Variants in RARB observed in about 807,000 individuals in gnomAD.
RARB encodes the protein HBV-activated protein.
A neutral mutation model predicts 51.9 loss-of-function variants in RARB; 17 were observed. The observed-to-expected ratio is 0.33, with a 90% CI of 0.22 to 0.49. RARB has a LOEUF of 0.49. RARB is among the 20% of genes least tolerant of loss of function. The pLI is 0.99. For synonymous variants in RARB, 215 were observed against 195.4 expected (o/e 1.10, Z -0.84); for missense variants, 369 against 550.8 (o/e 0.67, Z 3.30).
rs546511834 is a variant in RARB, at chr3:25,085,634, G to A, written c.-328+25458G>A. 1.0e-3 allele frequency among the ~76,000 whole-genome samples: 153 copies of A among 151,914 alleles called. 1 individual carries two copies. The highest frequency in any genetic ancestry group is 1.7e-3 in the Non-Finnish European group (114 of 67,994). On this transcript the variant is annotated intron_variant, in intron 3 of 11. Transcript: ENST00000383772. ...GAACACAAAACTGAAGACAAATATT[G>A]CAATATTTATAAATCAGATTTTTTA...
rs188091203 is a variant in RARB, at chr3:24,846,156, T to A, written c.-458-12518T>A. On this transcript the variant is annotated intron_variant, in intron 1 of 11. Coordinates refer to the RARB transcript ENST00000383772. ...CAAAATTGGTGGTTTAACATCTTTTTCATTAATGTGCTGGCTCTGCAATCT... is the reference window on the plus strand; with the variant it reads ...CAAAATTGGTGGTTTAACATCTTTTACATTAATGTGCTGGCTCTGCAATCT... Among the ~76,000 whole-genome samples the A allele has an allele frequency of 2.6e-5, 4 of 152,344 alleles. No homozygotes were observed. The East Asian group carries it at 7.7e-4, about 29-fold the overall frequency.
At chr3:25,447,650 T>C (rs1363988657) in intron 1 of RARB, among the ~76,000 whole-genome samples, 2 of 151,862 alleles carry the variant, frequency 1.3e-5, no homozygotes, top group Non-Finnish European at 2.9e-5. Flanking sequence ...TAAAGAGGGG[T>C]TTAAAGAAGC....
intron 2 of RARB, among the ~76,000 whole-genome samples, chr3:24,953,317 AGAAAT>A (rs1433457612): frequency 6.6e-6 from 1 of 152,216 alleles, no homozygotes; most frequent in Non-Finnish European, 1.5e-5. Context: ...CAGAAAAAAA[AGAAAT>A]GAAAATTAGG....
intron 5 of RARB, among the ~76,000 whole-genome samples, chr3:25,184,162 A>G (rs2125359231): frequency 6.6e-6 from 1 of 152,178 alleles, no homozygotes; most frequent in African/African-American, 2.4e-5. Flanking sequence ...TATTGCCCAA[A>G]TCTGAAAAAA....
intron 4 of RARB, among the ~76,000 whole-genome samples, chr3:25,578,288 T>G (rs1423264944): frequency 6.6e-6 from 1 of 152,236 alleles, no homozygotes; most frequent in Admixed American, 6.5e-5. Context: ...TTATTTTGTG[T>G]TTTATTAACT....
chr3:25,446,660 G>T (rs910846294), intron 1 of RARB, among the ~76,000 whole-genome samples: 18 of 151,836 alleles, frequency 1.2e-4, no homozygotes, highest in East Asian at 3.9e-4. Context: ...AAAATTAGCC[G>T]GGCGTGGTGG....
At chr3:24,843,509 G>A (rs1702444765) in intron 1 of RARB, among the ~76,000 whole-genome samples, 1 of 152,064 alleles carries the variant, frequency 6.6e-6, no homozygotes, top group Admixed American at 6.6e-5. Context: ...GGCACATTCT[G>A]GGTCCATTTT....
intron 2 of RARB, among the ~76,000 whole-genome samples, chr3:24,918,202 C>A (rs9881002): frequency 0.49 from 74,258 of 152,034 alleles, 18,685 homozygotes; most frequent in East Asian, 0.7. Context: ...CGTACAATGG[C>A]ATATTATTCA....
chr3:24,917,781 C>A (rs60998309), intron 2 of RARB, among the ~76,000 whole-genome samples: 17,355 of 152,240 alleles, frequency 0.11, 1,472 homozygotes, highest in East Asian at 0.29. Flanking sequence ...CCTCCTTCGG[C>A]GTCCTAAAGT....
intron 5 of RARB, among the ~76,000 whole-genome samples, chr3:25,256,982 C>T (rs1196489061): frequency 1.3e-5 from 2 of 151,952 alleles, no homozygotes; most frequent in Non-Finnish European, 2.9e-5. Flanking sequence ...AAATATCATA[C>T]GATAAGGACT....
intron 2 of RARB, among the ~76,000 whole-genome samples, chr3:25,499,766 T>C (rs1410688022): frequency 6.6e-6 from 1 of 151,986 alleles, no homozygotes; most frequent in East Asian, 1.9e-4. Flanking sequence ...TTCAGGTAGA[T>C]AGAAAACGAG....
At chr3:25,004,180 CATCACTGATAGCCAT>C (rs1190178925) in intron 2 of RARB, among the ~76,000 whole-genome samples, 3 of 152,208 alleles carry the variant, frequency 2.0e-5, no homozygotes, top group Admixed American at 6.5e-5. Context: ...GTGATGACCA[CATCACTGATAGCCAT>C]ATGTTATTGT....
chr3:25,496,977 C>T (rs191795806), intron 2 of RARB, among the ~76,000 whole-genome samples: 11 of 152,280 alleles, frequency 7.2e-5, no homozygotes, highest in East Asian at 3.9e-4. Context: ...CTCTGCCTCC[C>T]GGGTTCAAGC....
intron 3 of RARB, among the ~76,000 whole-genome samples, chr3:25,123,007 G>A (rs1400099355): frequency 6.6e-6 from 1 of 151,948 alleles, no homozygotes; most frequent in Non-Finnish European, 1.5e-5. Context: ...ACTCAGGAAT[G>A]GTATAACTTC....
rs989017422 is a variant in RARB at position 24,958,272 on chromosome 3, T to G, written c.-380+99520T>G. On this transcript the variant is annotated intron_variant, in intron 2 of 11. Coordinates refer to the RARB transcript ENST00000383772. ...CTGCTCAGGTTTTTTTTTTTTTTTT[T>G]TTTTTTTTTTTTTTTTTAGCTGTCA... 7.6e-3 allele frequency among the ~76,000 whole-genome samples: 1,069 copies of G among 140,366 alleles called. 20 individuals carry two copies. Among genetic ancestry groups the G allele is most frequent in the African/African-American group, 0.025 (958 of 38,564 alleles). 92.1% of individuals were successfully genotyped at this position (140,366 alleles called of 152,430 possible). A position where few individuals can be genotyped will look rare whatever the true frequency, so the allele number is the denominator to read the frequency against.
intron 3 of RARB, among the ~76,000 whole-genome samples, chr3:25,071,205 A>G (rs1161041673): frequency 6.6e-6 from 1 of 152,240 alleles, no homozygotes; most frequent in Non-Finnish European, 1.5e-5. Flanking sequence ...TAGGTGCTCA[A>G]TAAATATTTA....
intron 3 of RARB, among the ~76,000 whole-genome samples, chr3:25,532,932 C>T (rs140658391): frequency 1.0e-3 from 157 of 152,292 alleles, no homozygotes; most frequent in African/African-American, 3.5e-3. Context: ...AACTTGAGTC[C>T]TATGCTTGCA....
intron 5 of RARB, chr3:25,324,038 G>A (rs1704642633): frequency 6.7e-6 from 1 of 148,580 alleles, no homozygotes; most frequent in African/African-American, 2.6e-5. Context: ...GGAAGTGGAA[G>A]AAAATCAAGA....
rs149931534 is a variant in RARB at position 25,031,207 on chromosome 3, C to T, written c.-379-28918C>T. ...GTGCCCATATATTTTAGCAATGTAT[C>T]CTTGGGACAAAAGTGCTTCCCCTTC... is the stretch of plus-strand genomic sequence containing the variant. On this transcript the variant is annotated intron_variant, in intron 2 of 11. Coordinates refer to the RARB transcript ENST00000383772. Among the ~76,000 whole-genome samples the T allele has an allele frequency of 2.5e-3, 377 of 152,264 alleles. 2 individuals are homozygous for T. The highest frequency in any genetic ancestry group is 8.8e-3 in the African/African-American group (365 of 41,556).
Sources: allele counts gnomAD v4.1 joint callset (sites outside exome capture counted in the v4.1 genomes callset), GRCh38; gene constraint gnomAD v4.1.1; transcripts MANE v1.5; gene names NCBI Gene and HGNC (gene_info 2026-07-23, HGNC 2026-07-21).